AGBL1: variants seen among roughly 807,000 people sequenced by gnomAD.
AGBL1 encodes the protein AGBL carboxypeptidase 1.
A neutral mutation model predicts 118.9 loss-of-function variants in AGBL1; 130 were observed. That is an observed-to-expected ratio of 1.09 (90% CI 0.95 to 1.26). The LOEUF is 1.26. Ranked by LOEUF, AGBL1 falls within the 50% of genes most tolerant of loss-of-function variation. AGBL1 has a pLI of 0.00. For missense variants in AGBL1, 1,584 were observed against 1,298.1 expected (o/e 1.22, Z -3.38); for synonymous variants, 555 against 478.9 (o/e 1.16, Z -2.08).
chr15:86,770,687 T>C (rs1479578589), intron 22 of AGBL1, among the ~76,000 whole-genome samples: 1 of 151,834 alleles, frequency 6.6e-6, no homozygotes, highest in Non-Finnish European at 1.5e-5. Context: ...CAAGTAGATG[T>C]AGAGGGTATC....
intron 22 of AGBL1, among the ~76,000 whole-genome samples, chr15:86,842,546 C>A (rs2079260059): frequency 6.6e-6 from 1 of 152,118 alleles, no homozygotes; most frequent in Non-Finnish European, 1.5e-5. Flanking sequence ...GAACATTCCA[C>A]AGGGTTCTCT....
chr15:86,881,318 T>C (rs2079888552), intron 22 of AGBL1, among the ~76,000 whole-genome samples: 1 of 152,204 alleles, frequency 6.6e-6, no homozygotes, highest in African/African-American at 2.4e-5. Flanking sequence ...ATGCTCTCAG[T>C]GTCTTTTACT....
chr15:86,239,005 TG>T (rs145808451), intron 6 of AGBL1, among the ~76,000 whole-genome samples: 6,387 of 152,002 alleles, frequency 0.042, 417 homozygotes, highest in African/African-American at 0.15. Context: ...GTGCTGAGGG[TG>T]GGGGAAGAGC....
At chr15:86,818,289 C>G (rs558244811) in intron 22 of AGBL1, among the ~76,000 whole-genome samples, 5 of 152,260 alleles carry the variant, frequency 3.3e-5, no homozygotes, top group Admixed American at 2.0e-4. Context: ...TGTTAGGAAC[C>G]AGGCCACACA....
chr15:86,096,081 A>G (rs975327881), intron 1 of AGBL1, among the ~76,000 whole-genome samples: 3 of 152,028 alleles, frequency 2.0e-5, no homozygotes, highest in African/African-American at 7.2e-5. Flanking sequence ...TTCTTTTTCT[A>G]GAACTGCATG....
intron 22 of AGBL1, among the ~76,000 whole-genome samples, chr15:86,856,721 A>C (rs951251199): frequency 1.3e-5 from 2 of 152,208 alleles, no homozygotes. Flanking sequence ...TTAGTTACCT[A>C]GCCTGAGTAA....
rs1014671747 is a variant in AGBL1 at position 86,674,440 on chromosome 15, A to G, written c.3158+4A>G. The G allele has an allele frequency of 5.6e-6, 9 of 1,602,910 alleles. No individual in the cohort carries two copies. Among genetic ancestry groups the G allele is most frequent in the Non-Finnish European group, 6.8e-6 (8 of 1,171,830 alleles). Reference sequence around the variant, plus strand: ...CTCTGGACCAGCACCTCCAACGGTAAGATGCTCCCAAGGGCTCAGAGAAAT... The same window carrying G: ...CTCTGGACCAGCACCTCCAACGGTAGGATGCTCCCAAGGGCTCAGAGAAAT... On this transcript the variant is annotated splice_donor_region_variant and intron_variant, in intron 22 of 22. Coordinates refer to ENST00000614907, the MANE Select transcript of AGBL1 (RefSeq NM_001386094.1).
At position 86,561,718 on chromosome 15, in the gene AGBL1, A is replaced by G. The variant is rs1018854809; in HGVS notation, c.2994+7181A>G. Among the ~76,000 whole-genome samples, 9 of 152,184 alleles carry G rather than the reference A, an allele frequency of 5.9e-5. 1 individual carries two copies. In the East Asian group the frequency reaches 1.5e-3, roughly 26 times the overall value. ...AGTCATTGGTAGCTTGATGGGGATG[A>G]CATTGAATCTATAAGTTACCTTGGG... On this transcript the variant is annotated intron_variant, in intron 21 of 22. Transcript: ENST00000614907.
chr15:86,873,472 T>C (rs2079758611), intron 22 of AGBL1, among the ~76,000 whole-genome samples: 2 of 152,190 alleles, frequency 1.3e-5, no homozygotes, highest in East Asian at 3.9e-4. Context: ...CCTGATACAA[T>C]CTGAAAGTTT....
At chr15:87,009,372 A>G (rs2081535624) in intron 24 of AGBL1, among the ~76,000 whole-genome samples, 1 of 152,196 alleles carries the variant, frequency 6.6e-6, no homozygotes. Context: ...GAAGTCAAGA[A>G]TTGAGGTTTG....
At chr15:86,938,847 G>T (rs1357719426) in intron 23 of AGBL1, 1 of 152,134 alleles carries the variant, frequency 6.6e-6, no homozygotes, top group Non-Finnish European at 1.5e-5. Flanking sequence ...CACCGCCTGG[G>T]TTTTCTTTTT....
At chr15:87,006,696 G>T (rs1006775513) in intron 24 of AGBL1, among the ~76,000 whole-genome samples, 1 of 152,080 alleles carries the variant, frequency 6.6e-6, no homozygotes, top group Admixed American at 6.6e-5. Flanking sequence ...TGCACCCACT[G>T]TCCAACAAGC....
chr15:86,578,191 A>G (rs1319565496), intron 21 of AGBL1, among the ~76,000 whole-genome samples: 4 of 152,170 alleles, frequency 2.6e-5, no homozygotes, highest in Non-Finnish European at 5.9e-5. Flanking sequence ...ATGGAAACGC[A>G]CCTCTTGCAT....
intron 5 of AGBL1, among the ~76,000 whole-genome samples, chr15:86,187,116 A>G (rs897236587): frequency 1.3e-5 from 2 of 152,230 alleles, no homozygotes; most frequent in Non-Finnish European, 2.9e-5. Flanking sequence ...AAACGCACAC[A>G]TTGGAATGAA....
intron 22 of AGBL1, among the ~76,000 whole-genome samples, chr15:86,748,057 G>A (rs1431933509): frequency 6.6e-6 from 1 of 152,196 alleles, no homozygotes; most frequent in Non-Finnish European, 1.5e-5. Context: ...TCGCCACACT[G>A]TCTTCCATCA....
intron 17 of AGBL1, among the ~76,000 whole-genome samples, chr15:86,348,505 C>A (rs965395606): frequency 6.6e-6 from 1 of 152,180 alleles, no homozygotes; most frequent in African/African-American, 2.4e-5. Context: ...GAGGGCCAGG[C>A]GCCGTGGCTT....
intron 22 of AGBL1, among the ~76,000 whole-genome samples, chr15:86,867,433 GC>G (rs1410937262): frequency 3.3e-5 from 5 of 152,266 alleles, no homozygotes; most frequent in African/African-American, 9.6e-5. Flanking sequence ...CTTACTGCTT[GC>G]CCCGAGGATG....
intron 6 of AGBL1, among the ~76,000 whole-genome samples, chr15:86,240,997 TAC>T (rs2078633070): frequency 6.6e-6 from 1 of 152,218 alleles, no homozygotes; most frequent in African/African-American, 2.4e-5. Context: ...TCAATACGTG[TAC>T]ATTTTGCCAG....
chr15:86,449,547 C>G (rs1203642072), intron 18 of AGBL1, among the ~76,000 whole-genome samples: 1 of 152,144 alleles, frequency 6.6e-6, no homozygotes, highest in Non-Finnish European at 1.5e-5. Context: ...GCCAAGTGGC[C>G]CAGTTTCTTC....
Sources: allele counts gnomAD v4.1 joint callset (sites outside exome capture counted in the v4.1 genomes callset), GRCh38; gene constraint gnomAD v4.1.1; transcripts MANE v1.5; gene names NCBI Gene and HGNC (gene_info 2026-07-23, HGNC 2026-07-21).